PPFIA2: variants seen among roughly 807,000 people sequenced by gnomAD.
PPFIA2 encodes PPFI scaffold protein A2.
A neutral mutation model predicts 175.5 loss-of-function variants in PPFIA2; 46 were observed. The observed-to-expected ratio is 0.26, with a 90% confidence interval of 0.21 to 0.34. The LOEUF (loss-of-function observed/expected upper bound fraction) is 0.34, where lower values mean the gene tolerates loss of function less well. PPFIA2 is among the 10% of genes least tolerant of loss of function. PPFIA2 has a pLI of 1.00. For missense variants in PPFIA2, 1,179 were observed against 1,506.1 expected (o/e 0.78, Z 3.60); for synonymous variants, 568 against 511.4 (o/e 1.11, Z -1.49).
intron 30 of PPFIA2, among the ~76,000 whole-genome samples, chr12:81,264,509 T>G (rs559942311): frequency 6.6e-6 from 1 of 152,254 alleles, no homozygotes; most frequent in Admixed American, 6.5e-5. Flanking sequence ...GTATATGTTG[T>G]GTATCCTAAT....
At chr12:81,672,639 A>G (rs951648376) in intron 4 of PPFIA2, among the ~76,000 whole-genome samples, 5 of 152,090 alleles carry the variant, frequency 3.3e-5, no homozygotes, top group African/African-American at 1.2e-4. Flanking sequence ...AGAACATTTA[A>G]AAGTATTAAG....
chr12:81,367,370 G>A (rs1013015359), intron 13 of PPFIA2, among the ~76,000 whole-genome samples, 200 bp from the exon 14 acceptor site: 6 of 151,480 alleles, frequency 4.0e-5, no homozygotes, highest in Non-Finnish European at 4.4e-5. Context: ...TAATTTAAAT[G>A]GGAAATGCTA....
At chr12:81,686,410 A>C (rs540056474) in intron 3 of PPFIA2, among the ~76,000 whole-genome samples, 51 of 152,128 alleles carry the variant, frequency 3.4e-4, no homozygotes, top group Non-Finnish European at 6.3e-4. Context: ...AGTGCATAAG[A>C]ATAGGGCTTT....
chr12:81,327,364 T>A (rs1226736657), intron 21 of PPFIA2, among the ~76,000 whole-genome samples: 2 of 152,098 alleles, frequency 1.3e-5, no homozygotes, highest in African/African-American at 4.8e-5. Flanking sequence ...CTTCTACTGG[T>A]GACTAAAGTA....
chr12:81,314,581 A>G (rs961879058), intron 22 of PPFIA2, among the ~76,000 whole-genome samples: 47 of 151,920 alleles, frequency 3.1e-4, no homozygotes, highest in African/African-American at 1.1e-3. Context: ...ACCAGCAAAC[A>G]TATGTCTTAT....
intron 4 of PPFIA2, among the ~76,000 whole-genome samples, chr12:81,624,603 T>C (rs2153486098): frequency 6.8e-6 from 1 of 146,378 alleles, no homozygotes; most frequent in South Asian, 2.1e-4. Context: ...CATATATTAA[T>C]GATAATATAT....
chr12:81,664,835 C>T (rs2069788534), intron 4 of PPFIA2, among the ~76,000 whole-genome samples: 2 of 152,210 alleles, frequency 1.3e-5, no homozygotes, highest in South Asian at 2.1e-4. Flanking sequence ...GGCACATATA[C>T]ACCATGGAAT....
At chr12:81,751,134 TA>T (rs879508558) in intron 3 of PPFIA2, among the ~76,000 whole-genome samples, 102 of 148,540 alleles carry the variant, frequency 6.9e-4, no homozygotes, top group Admixed American at 3.0e-3. Context: ...ACACTTTCTT[TA>T]AAAAAAAAAG....
At chr12:81,274,237 C>T (rs542350017) in intron 28 of PPFIA2, among the ~76,000 whole-genome samples, 7 of 152,102 alleles carry the variant, frequency 4.6e-5, no homozygotes, top group South Asian at 2.1e-4. Flanking sequence ...TAAAAATGAA[C>T]GTGACAATGC....
At chr12:81,481,466 ACAT>A (rs2058213192) in intron 4 of PPFIA2, among the ~76,000 whole-genome samples, 1 of 152,142 alleles carries the variant, frequency 6.6e-6, no homozygotes, top group South Asian at 2.1e-4. Context: ...AAAGCTGGAC[ACAT>A]CATGCTACCT....
chr12:81,414,878 G>C (rs1407350933), intron 7 of PPFIA2, among the ~76,000 whole-genome samples: 1 of 151,092 alleles, frequency 6.6e-6, no homozygotes, highest in African/African-American at 2.4e-5. Flanking sequence ...AACCATAAAG[G>C]TTGAAACACT....
At chr12:81,548,474 T>C (rs1373099779) in intron 4 of PPFIA2, among the ~76,000 whole-genome samples, 1 of 152,138 alleles carries the variant, frequency 6.6e-6, no homozygotes, top group Non-Finnish European at 1.5e-5. Context: ...ATAATAAAGT[T>C]TGATATATTC....
At chr12:81,385,412 T>C (rs901974560) in intron 8 of PPFIA2, among the ~76,000 whole-genome samples, 1 of 152,146 alleles carries the variant, frequency 6.6e-6, no homozygotes, top group Non-Finnish European at 1.5e-5. Flanking sequence ...CTATGTTCAA[T>C]GCAAAATTAT....
At chr12:81,563,929 A>G (rs2153398878) in intron 4 of PPFIA2, among the ~76,000 whole-genome samples, 1 of 152,326 alleles carries the variant, frequency 6.6e-6, no homozygotes, top group Non-Finnish European at 1.5e-5. Context: ...CCATTGCAGT[A>G]TGGTATCATA....
At chr12:81,753,559 T>C (rs1423423509) in intron 3 of PPFIA2, among the ~76,000 whole-genome samples, 1 of 150,084 alleles carries the variant, frequency 6.7e-6, no homozygotes, top group Non-Finnish European at 1.5e-5. Flanking sequence ...GACACGAGAC[T>C]TCCAAAGTAC....
chr12:81,458,286 C>T (rs977237035), intron 4 of PPFIA2, among the ~76,000 whole-genome samples: 8 of 151,650 alleles, frequency 5.3e-5, no homozygotes, highest in East Asian at 1.9e-4. Flanking sequence ...GCTAAACATG[C>T]TATTTTGAAA....
chr12:81,429,137 C>A (rs960550305), intron 7 of PPFIA2, among the ~76,000 whole-genome samples: 3 of 151,930 alleles, frequency 2.0e-5, no homozygotes, highest in Non-Finnish European at 2.9e-5. Flanking sequence ...ATGTAGCATG[C>A]ATAAACATGT....
chr12:81,283,049 CA>C lies in PPFIA2; in HGVS notation c.2989-11del. 1.9e-6 allele frequency: 3 copies of C among 1,611,458 alleles called. No individual in the cohort carries two copies. Among genetic ancestry groups the C allele is most frequent in the Admixed American group, 3.3e-5 (2 of 59,822 alleles). The stretch of plus-strand genomic sequence containing the variant: ...CTTCCTCAGATTCTTTCTGTGTTAG[CA>C]GCAGGAAATGATTAATAAAGCAGGT... On this transcript the variant is annotated splice_polypyrimidine_tract_variant and intron_variant, in intron 25 of 32. Transcript: ENST00000549396.
intron 4 of PPFIA2, among the ~76,000 whole-genome samples, chr12:81,616,008 A>T (rs1228000622): frequency 6.6e-6 from 1 of 152,128 alleles, no homozygotes; most frequent in Non-Finnish European, 1.5e-5. Flanking sequence ...TAACAGATGG[A>T]AAGGCAGAGC....
Sources: gnomAD v4.1 joint callset for allele counts (sites outside exome capture counted in the v4.1 genomes callset) on GRCh38, gnomAD v4.1.1 for gene constraint, MANE v1.5 for transcripts, NCBI Gene and HGNC (gene_info 2026-07-23, HGNC 2026-07-21) for gene names.